ZDHHC14: variants seen among roughly 807,000 people sequenced by gnomAD.
ZDHHC14 encodes the protein zDHHC palmitoyltransferase 14, also known as palmitoyltransferase ZDHHC14.
In ZDHHC14, 16 loss-of-function variants were observed where a neutral mutation model predicts 47.7. The observed-to-expected ratio is 0.34, with a 90% confidence interval of 0.23 to 0.51. The LOEUF is 0.51. ZDHHC14 is among the 20% of genes least tolerant of loss of function. ZDHHC14 has a pLI of 0.97. For missense variants in ZDHHC14, 515 were observed against 662.5 expected (o/e 0.78, Z 2.44); for synonymous variants, 293 against 278.9 (o/e 1.05, Z -0.50).
At chr6:157,598,211 C>T (rs1026992427) in intron 3 of ZDHHC14, among the ~76,000 whole-genome samples, 1 of 152,190 alleles carries the variant, frequency 6.6e-6, no homozygotes, top group African/African-American at 2.4e-5. Flanking sequence ...GGCAGAGATT[C>T]GGCCCTGCAG....
chr6:157,667,332 A>G (rs671192), intron 8 of ZDHHC14, among the ~76,000 whole-genome samples: 52,297 of 151,946 alleles, frequency 0.34, 9,488 homozygotes, highest in Non-Finnish European at 0.42. Flanking sequence ...TGTAAGAGAG[A>G]AAAAGCGAGC....
intron 1 of ZDHHC14, among the ~76,000 whole-genome samples, chr6:157,493,425 A>G (rs923094853): frequency 6.6e-6 from 1 of 152,218 alleles, no homozygotes; most frequent in African/African-American, 2.4e-5. Context: ...GGCCGGACAC[A>G]CAGAGGGAGC....
At chr6:157,491,081 C>T (rs557885405) in intron 1 of ZDHHC14, among the ~76,000 whole-genome samples, 4 of 152,260 alleles carry the variant, frequency 2.6e-5, no homozygotes, top group Non-Finnish European at 4.4e-5. Context: ...TGCCGTTTCC[C>T]GCACTGCACC....
intron 1 of ZDHHC14, among the ~76,000 whole-genome samples, chr6:157,454,464 T>C (rs1253825335): frequency 3.9e-5 from 6 of 151,970 alleles, no homozygotes. Context: ...AACATAACAT[T>C]ACTGATTTTA....
chr6:157,665,702 G>A (rs1778524202), intron 8 of ZDHHC14, among the ~76,000 whole-genome samples: 1 of 152,168 alleles, frequency 6.6e-6, no homozygotes, highest in Non-Finnish European at 1.5e-5. Flanking sequence ...TGGCATCAAA[G>A]TACCTAATGA....
In ZDHHC14 at chr6:157,428,144, G is replaced by A. The variant is rs575733644; in HGVS notation, c.245+45878G>A. ...GAGAAGGGGAGGAGAGTGCCGCAAAGGCAGTGTGCTGACACGACCTAAGCC... is the reference window on the plus strand; with the variant it reads ...GAGAAGGGGAGGAGAGTGCCGCAAAAGCAGTGTGCTGACACGACCTAAGCC... On this transcript the variant is annotated intron_variant, in intron 1 of 8. Transcript: ENST00000359775. Among the ~76,000 whole-genome samples, 54 of 152,260 alleles carry A rather than the reference G, an allele frequency of 3.5e-4. No homozygotes were observed. In the East Asian group the frequency reaches 9.1e-3, roughly 26 times the overall value.
chr6:157,664,583 T>C (rs985157171), intron 8 of ZDHHC14, among the ~76,000 whole-genome samples: 2 of 152,212 alleles, frequency 1.3e-5, no homozygotes, highest in African/African-American at 4.8e-5. Flanking sequence ...CTGTCTTCTC[T>C]GAAGATTGTT....
At chr6:157,395,817 T>G (rs958739735) in intron 1 of ZDHHC14, among the ~76,000 whole-genome samples, 13 of 151,736 alleles carry the variant, frequency 8.6e-5, no homozygotes, top group Middle Eastern at 6.8e-3. Flanking sequence ...AAATCCCAAG[T>G]TTCTTACTGT....
intron 1 of ZDHHC14, among the ~76,000 whole-genome samples, chr6:157,530,500 T>C (rs1781324098): frequency 2.0e-5 from 3 of 152,242 alleles, no homozygotes; most frequent in Admixed American, 2.0e-4. Flanking sequence ...TTTCAGTGAA[T>C]TTCATTTTGT....
intron 2 of ZDHHC14, among the ~76,000 whole-genome samples, chr6:157,547,119 A>C (rs553896369): frequency 1.3e-5 from 2 of 152,208 alleles, no homozygotes; most frequent in African/African-American, 2.4e-5. Flanking sequence ...CACTCTGTAC[A>C]TGTTGCTGAC....
chr6:157,575,634 A>G (rs1042040842), intron 2 of ZDHHC14, among the ~76,000 whole-genome samples: 1 of 152,218 alleles, frequency 6.6e-6, no homozygotes, highest in Admixed American at 6.5e-5. Context: ...TTGTCTAGGG[A>G]AAGCCTACTC....
At chr6:157,444,338 A>C (rs1778617874) in intron 1 of ZDHHC14, among the ~76,000 whole-genome samples, 1 of 152,210 alleles carries the variant, frequency 6.6e-6, no homozygotes, top group African/African-American at 2.4e-5. Context: ...ACATTGAGGC[A>C]GGGAGCTCTG....
chr6:157,631,825 T>TG (rs1245574150), intron 4 of ZDHHC14: 1 of 152,270 alleles, frequency 6.6e-6, no homozygotes, highest in Non-Finnish European at 1.5e-5. Flanking sequence ...CCTTTGGGGC[T>TG]GGCAGAGATG....
chr6:157,625,269 G>A (rs1785356954), intron 3 of ZDHHC14, among the ~76,000 whole-genome samples: 1 of 152,096 alleles, frequency 6.6e-6, no homozygotes, highest in Non-Finnish European at 1.5e-5. Context: ...GAAAGGGCGG[G>A]GTCAGGAAAG....
chr6:157,392,274 CT>C lies in ZDHHC14; in HGVS notation c.245+10010del, dbSNP rs201981477. Reference sequence around the variant, plus strand: ...AGCATGGTTTATAGAAACATATATCCTTATGATGAGTGAGGTACTTTATCAT... The same window carrying C: ...AGCATGGTTTATAGAAACATATATCCTATGATGAGTGAGGTACTTTATCAT... On this transcript the variant is annotated intron_variant, in intron 1 of 8. Transcript: ENST00000359775. Among the ~76,000 whole-genome samples, 1,135 of 152,288 alleles carry C rather than the reference CT, an allele frequency of 7.5e-3. 4 individuals carry two copies. The highest frequency in any genetic ancestry group is 0.017 in the Middle Eastern group (5 of 294).
chr6:157,540,262 A>T (rs1314109936), intron 1 of ZDHHC14, among the ~76,000 whole-genome samples: 1 of 152,198 alleles, frequency 6.6e-6, no homozygotes, highest in Non-Finnish European at 1.5e-5. Flanking sequence ...CAGAGGCATC[A>T]GCCTGGGGAA....
chr6:157,479,973 G>T (rs890180579), intron 1 of ZDHHC14, among the ~76,000 whole-genome samples: 1 of 152,198 alleles, frequency 6.6e-6, no homozygotes, highest in Non-Finnish European at 1.5e-5. Context: ...AGGGGAAGCT[G>T]CCAGGATCCT....
At chr6:157,657,738 C>G (rs1392943707) in intron 8 of ZDHHC14, among the ~76,000 whole-genome samples, 1 of 152,232 alleles carries the variant, frequency 6.6e-6, no homozygotes, top group Non-Finnish European at 1.5e-5. Context: ...GTCAAGTCCC[C>G]TAAGCAGGAT....
At chr6:157,618,762 A>G (rs1023556525) in intron 3 of ZDHHC14, among the ~76,000 whole-genome samples, 1 of 152,080 alleles carries the variant, frequency 6.6e-6, no homozygotes, top group Non-Finnish European at 1.5e-5. Context: ...AATCCTTCCC[A>G]TCTAGTTAAA....
Sources: gnomAD v4.1 joint callset for allele counts (sites outside exome capture counted in the v4.1 genomes callset) on GRCh38, gnomAD v4.1.1 for gene constraint, MANE v1.5 for transcripts, NCBI Gene and HGNC (gene_info 2026-07-23, HGNC 2026-07-21) for gene names.